Variants in ARHGAP35 observed in about 807,000 individuals in gnomAD.
ARHGAP35 encodes rho GTPase-activating protein 35.
A neutral mutation model predicts 111.1 loss-of-function variants in ARHGAP35; 15 were observed. The ratio of observed to expected loss-of-function variants is 0.13; its 90% CI spans 0.09 to 0.21. The LOEUF is 0.21. Ranked by LOEUF, ARHGAP35 falls within the 10% of genes least tolerant of loss-of-function variation. ARHGAP35 has a pLI of 1.00. For synonymous variants in ARHGAP35, 643 were observed against 710.3 expected, an observed-to-expected ratio of 0.91 and a Z score of 1.51; for missense variants, 1,262 against 1,873.0, an observed-to-expected ratio of 0.67 and a Z score of 6.02.
At chr19:46,977,726 T>A (rs908989166) in intron 3 of ARHGAP35, among the ~76,000 whole-genome samples, 7 of 152,212 alleles carry the variant, frequency 4.6e-5, no homozygotes, top group Non-Finnish European at 1.0e-4. Flanking sequence ...TTGTGGTGAT[T>A]GATTAAACAC....
chr19:46,977,301 G>A (rs2056585019), intron 3 of ARHGAP35, among the ~76,000 whole-genome samples: 1 of 152,198 alleles, frequency 6.6e-6, no homozygotes, highest in East Asian at 1.9e-4. Context: ...GAAGTTACCG[G>A]GAAGAAGGGG....
In ARHGAP35 at chr19:46,987,625, A is replaced by G. The variant is rs568701382; in HGVS notation, c.3827-364A>G. ...GAAGTGATTAAAATAAATTCACAAC[A>G]TACTTTGTAAGTGAAAGTAATTGGG... On this transcript the variant is annotated intron_variant, in intron 3 of 6. Transcript: ENST00000672722. Among the ~76,000 whole-genome samples the G allele has an allele frequency of 1.9e-4, 29 of 152,318 alleles. No homozygotes were observed. The South Asian group carries it at 5.0e-3, about 26-fold the overall frequency.
chr19:46,962,196 G>T (rs572865017), intron 3 of ARHGAP35, among the ~76,000 whole-genome samples: 1 of 152,238 alleles, frequency 6.6e-6, no homozygotes, highest in South Asian at 2.1e-4. Context: ...TTCAATAAGA[G>T]TTTGTTTTTT....
At position 46,937,355 on chromosome 19, in the gene ARHGAP35, A is replaced by G. The variant is rs1457673138; in HGVS notation, c.3773A>G (p.Glu1258Gly). The G allele has an allele frequency of 6.2e-7, 1 of 1,614,016 alleles. No homozygotes were observed. The highest frequency in any genetic ancestry group is 8.5e-7 in the Non-Finnish European group (1 of 1,179,892). ...GVPLTTVVTP[E>G]KPIPIFIERC... is the part of the protein sequence containing the mutation. The stretch of plus-strand genomic sequence containing the variant: ...CCCTTAACAACTGTCGTGACTCCAG[A>G]GAAGCCGATCCCCATTTTTATTGAA... The change falls in exon 3 of 7, where the codon GAG (glutamate) becomes GGG (glycine). Residue 1258 changes from glutamate (E) to glycine (G), a missense_variant. This residue lies in a region of ARHGAP35 where 45 missense variants were observed against 118.2 expected (regional missense o/e 0.38). Coordinates refer to ENST00000672722, the MANE Select transcript of ARHGAP35 (RefSeq NM_004491.5).
At chr19:46,903,932 G>A (rs2056093190) in intron 1 of ARHGAP35, among the ~76,000 whole-genome samples, 1 of 151,734 alleles carries the variant, frequency 6.6e-6, no homozygotes, top group Non-Finnish European at 1.5e-5. Flanking sequence ...ATATCTTGAA[G>A]TGTTGAGTGG....
rs576663553 is a variant in ARHGAP35, at chr19:46,988,206, G to C, written c.3904+140G>C. 66 of 770,030 alleles carry C rather than the reference G, an allele frequency of 8.6e-5. No homozygotes were observed. The South Asian group carries it at 8.7e-4, about 10-fold the overall frequency. The allele number at this position is 770,030 out of a possible 1,614,324, so 47.7% of individuals were successfully genotyped here. A position where few individuals can be genotyped will look rare whatever the true frequency, so the allele number is the denominator to read the frequency against. ...CACGAGGTGCTGAGACTGAGAAAGA[G>C]ACCATGTGTGGCTGCAGCGGGGAGG... On this transcript the variant is annotated intron_variant, in intron 4 of 6. Transcript: ENST00000672722. The surrounding 1 kb of genome is among the most constrained non-coding windows in gnomAD (Gnocchi z 5.4).
chr19:46,951,459 T>C (rs1383258630), intron 3 of ARHGAP35, among the ~76,000 whole-genome samples: 1 of 152,176 alleles, frequency 6.6e-6, no homozygotes, highest in East Asian at 1.9e-4. Flanking sequence ...CCTTTTTTTT[T>C]CTTGCTAGTG....
chr19:46,888,837 C>CAAAAAA (rs769595005), intron 1 of ARHGAP35, among the ~76,000 whole-genome samples: 6 of 57,364 alleles, frequency 1.0e-4, no homozygotes, highest in African/African-American at 1.5e-4. Context: ...ACTAAAAATA[C>CAAAAAA]AAAAAAAAAA....
intron 1 of ARHGAP35, among the ~76,000 whole-genome samples, chr19:46,902,480 G>C (rs1215309250): frequency 6.6e-6 from 1 of 152,174 alleles, no homozygotes; most frequent in Non-Finnish European, 1.5e-5. Context: ...GCGGAGAAAG[G>C]GGTGTGAGAA....
chr19:47,000,632 C>A lies in ARHGAP35; in HGVS notation c.4444C>A (p.Gln1482Lys). ...CCCACAGTCGCCTCCACCCACCCCC[C>A]AGTCCCCAATGCAGCCACTGCTTCC... is the stretch of plus-strand genomic sequence containing the variant. Reference protein sequence around the residue: ...SPPQSPPPTPQSPMQPLLPSQ... With the variant: ...SPPQSPPPTPKSPMQPLLPSQ... Residue 1482 changes from glutamine (Q) to lysine (K), a missense_variant, in exon 7 of 7, where the codon CAG becomes AAG. By Grantham distance (53) the Gln-to-Lys change is moderately conservative. Coordinates refer to ENST00000672722, the MANE Select transcript of ARHGAP35 (RefSeq NM_004491.5). This position sits in a 1 kb window ranked among gnomAD's most constrained non-coding sequence, Gnocchi z 6.9. The A allele has an allele frequency of 6.2e-7, 1 of 1,609,360 alleles. No individual in the cohort carries two copies.
At chr19:46,951,875 G>A (rs1487136053) in intron 3 of ARHGAP35, among the ~76,000 whole-genome samples, 3 of 152,268 alleles carry the variant, frequency 2.0e-5, no homozygotes, top group East Asian at 1.9e-4. Flanking sequence ...ATAGCAGGGC[G>A]GGTCAGAGCA....
chr19:46,982,883 GA>G (rs1209911121), intron 3 of ARHGAP35, among the ~76,000 whole-genome samples: 6 of 149,696 alleles, frequency 4.0e-5, no homozygotes, highest in African/African-American at 7.4e-5. Flanking sequence ...CCATCTCTAC[GA>G]AAAAAAAATT....
chr19:46,872,205 ATAAAAT>A (rs2055891424), intron 1 of ARHGAP35, among the ~76,000 whole-genome samples: 1 of 152,210 alleles, frequency 6.6e-6, no homozygotes, highest in Non-Finnish European at 1.5e-5. Flanking sequence ...TGCACACAAA[ATAAAAT>A]TAAATGTGGG....
intron 2 of ARHGAP35, among the ~76,000 whole-genome samples, chr19:46,931,202 G>A (rs2056270959): frequency 6.6e-6 from 1 of 152,144 alleles, no homozygotes; most frequent in South Asian, 2.1e-4. Context: ...AGCTCAATTT[G>A]AGAAAATAGA....
intron 1 of ARHGAP35, among the ~76,000 whole-genome samples, chr19:46,863,908 A>G (rs1390166906): frequency 6.6e-6 from 1 of 152,206 alleles, no homozygotes; most frequent in African/African-American, 2.4e-5. Flanking sequence ...CTGGTCTTCA[A>G]AATGGTGAGG....
intron 2 of ARHGAP35, among the ~76,000 whole-genome samples, chr19:46,923,101 TC>T (rs531537852): frequency 7.0e-6 from 1 of 142,220 alleles, no homozygotes; most frequent in African/African-American, 2.7e-5. Context: ...AAATGAAGTC[TC>T]TTTTTTTTTT....
In ARHGAP35 at chr19:46,920,511, G is replaced by A. The variant is rs1017745324; in HGVS notation, c.1836G>A (p.Leu612=). The change falls in exon 2 of 7, where the codon TTG becomes TTA. Residue 612 remains leucine, a synonymous_variant. Transcript: ENST00000672722. This position sits in a 1 kb window ranked among gnomAD's most constrained non-coding sequence, Gnocchi z 7.0. ...ILGKDGLARE[L]ANEIRALCTN... is the part of the protein sequence containing the mutation. ...GCAAAGACGGCCTTGCCCGAGAGTT[G>A]GCCAATGAGATTCGAGCTCTTTGTA... The A allele has an allele frequency of 6.2e-7, 1 of 1,613,940 alleles. No individual in the cohort carries two copies. The highest frequency in any genetic ancestry group is 8.5e-7 in the Non-Finnish European group (1 of 1,179,838).
intron 3 of ARHGAP35, among the ~76,000 whole-genome samples, chr19:46,953,187 T>A (rs924905585): frequency 1.3e-5 from 2 of 152,166 alleles, no homozygotes; most frequent in African/African-American, 4.8e-5. Context: ...GCATACATTA[T>A]AACCCGGGGG....
At chr19:46,883,430 T>C (rs746176441) in intron 1 of ARHGAP35, among the ~76,000 whole-genome samples, 2 of 152,142 alleles carry the variant, frequency 1.3e-5, no homozygotes, top group Non-Finnish European at 2.9e-5. Context: ...TGGTTGTGTC[T>C]CAGAGAACAG....
Sources: gnomAD v4.1 joint callset for allele counts (sites outside exome capture counted in the v4.1 genomes callset) on GRCh38, gnomAD v4.1.1 for gene constraint, gnomAD v4.1.1 regional missense constraint, Gnocchi (gnomAD v3.1) non-coding constraint, MANE v1.5 for transcripts, NCBI Gene and HGNC (gene_info 2026-07-23, HGNC 2026-07-21) for gene names.